Variants in TMEM156 observed in about 807,000 individuals in gnomAD.
TMEM156 encodes transmembrane protein 156.
Under a neutral mutation model 30.5 loss-of-function variants are expected in TMEM156, and 28 were observed. The observed-to-expected ratio is 0.92, with a 90% CI of 0.68 to 1.26. The LOEUF is 1.26. Ranked by LOEUF, TMEM156 falls within the 50% of genes most tolerant of loss-of-function variation. TMEM156 has a pLI of 0.00. For synonymous variants in TMEM156, 137 were observed against 119.9 expected (o/e 1.14, Z -0.93); for missense variants, 351 against 340.6 (o/e 1.03, Z -0.24).
intron 1 of TMEM156, among the ~76,000 whole-genome samples, chr4:39,013,311 AAAAAAAAAAGAAAG>A (rs1317532278): frequency 2.0e-5 from 3 of 151,522 alleles, no homozygotes; most frequent in African/African-American, 7.2e-5. Context: ...CTGTCTCAAA[AAAAAAAAAAGAAAG>A]AAAGAAAAAG....
intron 1 of TMEM156, chr4:39,028,606 G>A (rs868580293): frequency 6.6e-6 from 1 of 152,256 alleles, no homozygotes; most frequent in Middle Eastern, 3.4e-3. Flanking sequence ...TTCTAGCACA[G>A]GTGAAAGAAT....
At chr4:38,990,642 G>A (rs1456629926) in intron 3 of TMEM156, among the ~76,000 whole-genome samples, 3 of 152,030 alleles carry the variant, frequency 2.0e-5, no homozygotes, top group African/African-American at 4.8e-5. Context: ...AGCCTTCTTA[G>A]AGAGGAGCAA....
intron 1 of TMEM156, among the ~76,000 whole-genome samples, chr4:39,018,505 T>C (rs983831749): frequency 6.6e-6 from 1 of 152,156 alleles, no homozygotes; most frequent in Non-Finnish European, 1.5e-5. Context: ...AGCTAATTAT[T>C]TAGAAGTTCT....
At chr4:38,980,716 C>G (rs1354635854) in intron 5 of TMEM156, among the ~76,000 whole-genome samples, 1 of 152,070 alleles carries the variant, frequency 6.6e-6, no homozygotes, top group Admixed American at 6.5e-5. Flanking sequence ...GAAACAACTT[C>G]GTTAGTTAAG....
Position 39,032,402 on chromosome 4 carries a change from G to A in TMEM156, c.-89C>T. On this transcript the variant is annotated 5_prime_UTR_variant, in exon 1 of 7. Coordinates refer to ENST00000381938, the MANE Select transcript of TMEM156 (RefSeq NM_024943.3). ...TAAGTTTATCTCTGCAGCACTTTAG[G>A]TTAATGCAGTTCACCTCATACTCAC... The A allele has an allele frequency of 1.5e-6, 1 of 658,296 alleles. No individual in the cohort carries two copies. Among genetic ancestry groups the A allele is most frequent in the Non-Finnish European group, 2.6e-6 (1 of 381,732 alleles). The allele number at this position is 658,296 out of a possible 1,614,324, so 40.8% of individuals were successfully genotyped here.
intron 1 of TMEM156, among the ~76,000 whole-genome samples, chr4:39,026,643 C>T (rs2110069379): frequency 6.6e-6 from 1 of 152,012 alleles, no homozygotes; most frequent in South Asian, 2.1e-4. Context: ...GAAACAAAAT[C>T]TGGCTGGGTG....
chr4:39,017,479 C>T (rs974297773), intron 1 of TMEM156, among the ~76,000 whole-genome samples: 1 of 151,822 alleles, frequency 6.6e-6, no homozygotes, highest in Admixed American at 6.6e-5. Flanking sequence ...GCACCCAGCC[C>T]AAGTATGTAT....
chr4:38,979,427 A>G (rs966423841), intron 5 of TMEM156, among the ~76,000 whole-genome samples: 1 of 152,250 alleles, frequency 6.6e-6, no homozygotes, highest in Non-Finnish European at 1.5e-5. Flanking sequence ...AAATAAAGGT[A>G]AGGATAAAAT....
intron 3 of TMEM156, 37 bp downstream of exon 3, chr4:38,993,701 A>G (rs1712706617): frequency 1.3e-6 from 2 of 1,583,240 alleles, no homozygotes; most frequent in African/African-American, 1.3e-5. Flanking sequence ...TCTATATCGG[A>G]TAACTCCTTT....
intron 5 of TMEM156, among the ~76,000 whole-genome samples, chr4:38,984,751 G>A (rs1466294397): frequency 1.3e-5 from 2 of 152,038 alleles, no homozygotes; most frequent in African/African-American, 4.8e-5. Context: ...TCTTTAAGAC[G>A]CTAAGCCTCA....
intron 3 of TMEM156, 43 bp from the exon 4 acceptor site, chr4:38,989,013 C>G: frequency 1.9e-6 from 3 of 1,588,618 alleles, no homozygotes; most frequent in Non-Finnish European, 2.6e-6. Flanking sequence ...TAAAATTATT[C>G]AACAGATAAA....
intron 6 of TMEM156, among the ~76,000 whole-genome samples, chr4:38,968,287 T>C (rs1258562958): frequency 2.6e-5 from 4 of 152,212 alleles, no homozygotes; most frequent in Non-Finnish European, 5.9e-5. Flanking sequence ...CACAGAGACA[T>C]AGAAATTGGG....
chr4:39,018,761 C>T (rs1459444474), intron 1 of TMEM156, among the ~76,000 whole-genome samples: 4 of 152,168 alleles, frequency 2.6e-5, no homozygotes, highest in African/African-American at 9.7e-5. Context: ...TGGCTCACAC[C>T]TGTAATCCCA....
chr4:38,981,826 A>AGCTCT (rs1711584193), intron 5 of TMEM156, among the ~76,000 whole-genome samples: 3 of 152,180 alleles, frequency 2.0e-5, no homozygotes, highest in Non-Finnish European at 4.4e-5. Flanking sequence ...CTATGTTGGA[A>AGCTCT]GCTCTATAAA....
At chr4:39,011,915 A>G (rs1211587162) in intron 1 of TMEM156, among the ~76,000 whole-genome samples, 1 of 152,250 alleles carries the variant, frequency 6.6e-6, no homozygotes, top group Non-Finnish European at 1.5e-5. Context: ...TAATGCAGAA[A>G]CAGAAAAACA....
chr4:39,012,641 A>G (rs895606661), intron 1 of TMEM156, among the ~76,000 whole-genome samples: 3 of 152,128 alleles, frequency 2.0e-5, no homozygotes, highest in Non-Finnish European at 4.4e-5. Context: ...CCTGGTCTCT[A>G]GTAAAAATAC....
intron 5 of TMEM156, among the ~76,000 whole-genome samples, chr4:38,983,826 G>A (rs976605516): frequency 1.3e-5 from 2 of 152,200 alleles, no homozygotes; most frequent in Non-Finnish European, 2.9e-5. Flanking sequence ...GGAATTCTAT[G>A]CCCTGTAATT....
intron 1 of TMEM156, among the ~76,000 whole-genome samples, chr4:39,000,845 CCACTG>C (rs1197224703): frequency 1.3e-5 from 2 of 152,040 alleles, no homozygotes; most frequent in Non-Finnish European, 2.9e-5. Context: ...CAAGATCGCA[CCACTG>C]CACTCCAGAC....
chr4:38,995,741 T>C (rs999836947), intron 2 of TMEM156, among the ~76,000 whole-genome samples: 1 of 152,142 alleles, frequency 6.6e-6, no homozygotes, highest in Non-Finnish European at 1.5e-5. Flanking sequence ...AATAAATAAT[T>C]TCTTTTCCCT....
Sources: gnomAD v4.1 joint callset for allele counts (sites outside exome capture counted in the v4.1 genomes callset) on GRCh38, gnomAD v4.1.1 for gene constraint, MANE v1.5 for transcripts, NCBI Gene and HGNC (gene_info 2026-07-23, HGNC 2026-07-21) for gene names.